The following DNAAF5 variants were observed in gnomAD, a reference collection of about 807,000 sequenced individuals.
DNAAF5 encodes the protein HEAT repeat containing 2.
In DNAAF5, 64 loss-of-function variants were observed where a neutral mutation model predicts 75.8. That is an observed-to-expected ratio of 0.84 (90% CI 0.69 to 1.04). The LOEUF (loss-of-function observed/expected upper bound fraction) is 1.04. Ranked by LOEUF, DNAAF5 falls within the 50% of genes least tolerant of loss-of-function variation. The pLI is 0.00. For synonymous variants in DNAAF5, 657 were observed against 557.2 expected, an observed-to-expected ratio of 1.18 and a Z score of -2.52; for missense variants, 1,269 against 1,178.5, an observed-to-expected ratio of 1.08 and a Z score of -1.12.
intron 2 of DNAAF5, among the ~76,000 whole-genome samples, chr7:731,448 C>T (rs1203580396): frequency 6.6e-6 from 1 of 152,148 alleles, no homozygotes; most frequent in Admixed American, 6.5e-5. Context: ...TCTAAAAATA[C>T]CATAACTATG....
At chr7:728,683 G>T (rs767980291) in intron 1 of DNAAF5, among the ~76,000 whole-genome samples, 2 of 152,172 alleles carry the variant, frequency 1.3e-5, no homozygotes, top group Non-Finnish European at 2.9e-5. Context: ...TGGACCGTAG[G>T]TTCCACAGGA....
At chr7:779,374 C>A (rs1778863168) in intron 11 of DNAAF5, among the ~76,000 whole-genome samples, 9 of 152,216 alleles carry the variant, frequency 5.9e-5, no homozygotes, top group Non-Finnish European at 1.0e-4. Context: ...GGATGCTGCA[C>A]AGAAGGGGGT....
rs754316026 is a variant in DNAAF5 at position 770,553 on chromosome 7, C to G, written c.1866C>G (p.Arg622=). 2 of 1,613,844 alleles carry G rather than the reference C, an allele frequency of 1.2e-6. No homozygotes were observed. Among genetic ancestry groups the G allele is most frequent in the African/African-American group, 2.7e-5 (2 of 74,940 alleles). ...CLQPSQDPQM[R]LKLFSILSTV... is the part of the protein sequence containing the mutation. The stretch of plus-strand genomic sequence containing the variant: ...AGCCCTCCCAAGACCCGCAGATGCG[C>G]CTGAAGCTGTTCTCCATCCTGTCCA... Residue 622 remains arginine (R), a synonymous_variant, in exon 9 of 13, where the codon CGC becomes CGG. Transcript: ENST00000297440.
At chr7:782,301 CTGGCGTGGCCGCCTCCCGTCACG>C (rs1778985248) in intron 12 of DNAAF5, among the ~76,000 whole-genome samples, 1 of 149,258 alleles carries the variant, frequency 6.7e-6, no homozygotes, top group Non-Finnish European at 1.5e-5. Flanking sequence ...TCGGATCTTC[CTGGCGTGGCCGCCTCCCGTCACG>C]CGGCGTCAGA....
At position 767,771 on chromosome 7, in the gene DNAAF5, G is replaced by A. The variant is rs187649861; in HGVS notation, c.1784-2700G>A. Among the ~76,000 whole-genome samples the A allele has an allele frequency of 5.0e-4, 76 of 151,552 alleles. No individual in the cohort carries two copies. In the Middle Eastern group the frequency reaches 0.014, roughly 28 times the overall value. On this transcript the variant is annotated intron_variant, in intron 8 of 12. Transcript: ENST00000297440. ...GGGAGGGGAGACACGTGATCCGGGC[G>A]GAAGTGTCCGTGCTGCCAGCAGGAG...
intron 2 of DNAAF5, among the ~76,000 whole-genome samples, chr7:737,512 C>T (rs1327686840): frequency 2.0e-5 from 3 of 152,212 alleles, no homozygotes; most frequent in Admixed American, 1.3e-4. Context: ...ACTGTTACCA[C>T]TGAGTTTTAT....
Position 785,719 on chromosome 7 carries a change from C to G in DNAAF5, c.*66C>G. On this transcript the variant is annotated 3_prime_UTR_variant, in exon 13 of 13. Coordinates refer to ENST00000297440, the MANE Select transcript of DNAAF5 (RefSeq NM_017802.4). ...GAGCCAGAGTTTGTGGCCTTTAAAT[C>G]TCATAAACAAGGCACCTCTGTGCCA... 3 of 1,571,466 alleles carry G rather than the reference C, an allele frequency of 1.9e-6. No individual in the cohort carries two copies. Among genetic ancestry groups the G allele is most frequent in the Non-Finnish European group, 2.6e-6 (3 of 1,155,972 alleles).
At position 761,821 on chromosome 7, in the gene DNAAF5, C is replaced by G. The variant is rs577043545; in HGVS notation, c.1539C>G (p.Gly513=). 2.5e-6 allele frequency: 4 copies of G among 1,606,994 alleles called. No homozygotes were observed. Among genetic ancestry groups the G allele is most frequent in the African/African-American group, 1.3e-5 (1 of 74,886 alleles). ...ALVSVCHEDC[G]VASLQLLDVL... is the part of the protein sequence containing the mutation. ...TGTCTGTGTGTCATGAGGACTGTGG[C>G]GTGGCCAGCCTGCAGCTCTTGGACG... The change falls in exon 7 of 13, where the codon GGC becomes GGG. Residue 513 remains glycine (G), a synonymous_variant. Coordinates refer to ENST00000297440, the MANE Select transcript of DNAAF5 (RefSeq NM_017802.4).
At chr7:736,480 G>A (rs1166414052) in intron 2 of DNAAF5, among the ~76,000 whole-genome samples, 1 of 152,170 alleles carries the variant, frequency 6.6e-6, no homozygotes. Flanking sequence ...TCTTAGTATA[G>A]TTTTCGTCTT....
At chr7:759,768 G>T (rs1456105859) in intron 6 of DNAAF5, among the ~76,000 whole-genome samples, 1 of 152,172 alleles carries the variant, frequency 6.6e-6, no homozygotes, top group Non-Finnish European at 1.5e-5. Context: ...TGCTGCAAAG[G>T]ATGCCTGATT....
At chr7:771,873 G>C (rs1342573433) in intron 9 of DNAAF5, 1 of 152,238 alleles carries the variant, frequency 6.6e-6, no homozygotes. Context: ...ACGTCTTGTG[G>C]AAGGCGGTTG....
At chr7:741,024 C>G in intron 3 of DNAAF5, 81 bp downstream of exon 3, 1 of 1,528,444 alleles carries the variant, frequency 6.5e-7, no homozygotes, top group Non-Finnish European at 8.9e-7. Context: ...CTCCCAGTCT[C>G]TCACAGAAAC....
intron 8 of DNAAF5, chr7:768,989 G>A: frequency 5.0e-6 from 3 of 600,526 alleles, no homozygotes; most frequent in Non-Finnish European, 9.1e-6. Context: ...AGCAGCTTCG[G>A]TGCAACGCCT....
chr7:774,113 C>T lies in DNAAF5; in HGVS notation c.1997C>T (p.Ala666Val), dbSNP rs761189541. 5 of 1,613,450 alleles carry T rather than the reference C, an allele frequency of 3.1e-6. No individual in the cohort carries two copies. In the Admixed American group the frequency reaches 5.0e-5, roughly 16 times the overall value. The change falls in exon 10 of 13, where the codon GCG (alanine) becomes GTG (valine). Residue 666 changes from alanine to valine, a missense_variant. By Grantham distance (64) the Ala-to-Val change is moderately conservative. Transcript: ENST00000297440. Reference sequence around the variant, plus strand: ...CTGGCCCCCAATCTGCAGTGGCATGCGGGGAGGACAGCCGCGGCCATCCGC... The same window carrying T: ...CTGGCCCCCAATCTGCAGTGGCATGTGGGGAGGACAGCCGCGGCCATCCGC... ...DILAPNLQWH[A>V]GRTAAAIRTA... is the part of the protein sequence containing the mutation.
chr7:773,824 G>A (rs1396619569), intron 9 of DNAAF5, among the ~76,000 whole-genome samples: 1 of 152,104 alleles, frequency 6.6e-6, no homozygotes, highest in Admixed American at 6.5e-5. Context: ...CGCAGGAGAG[G>A]CCAGGGGCAC....
intron 12 of DNAAF5, among the ~76,000 whole-genome samples, chr7:784,933 C>T (rs1779101327): frequency 6.6e-6 from 1 of 152,190 alleles, no homozygotes; most frequent in African/African-American, 2.4e-5. Context: ...CCAGCAGCAT[C>T]AGGTTCCTCA....
intron 8 of DNAAF5, 61 bp downstream of exon 8, chr7:764,035 C>G: frequency 6.4e-7 from 1 of 1,560,924 alleles, no homozygotes; most frequent in Non-Finnish European, 8.7e-7. Context: ...ACACCTGCTC[C>G]CCCAGGTGCT....
intron 8 of DNAAF5, among the ~76,000 whole-genome samples, chr7:766,544 T>C (rs1782827021): frequency 6.6e-6 from 1 of 152,192 alleles, no homozygotes; most frequent in African/African-American, 2.4e-5. Context: ...AAAAGGAACA[T>C]AGACTTAGGA....
intron 4 of DNAAF5, among the ~76,000 whole-genome samples, chr7:749,796 G>A (rs62432225): frequency 0.82 from 123,993 of 152,096 alleles, 50,645 homozygotes; most frequent in South Asian, 0.9. Context: ...CCCAGATTCA[G>A]GCAACTACTG....
Sources: allele counts gnomAD v4.1 joint callset (sites outside exome capture counted in the v4.1 genomes callset), GRCh38; gene constraint gnomAD v4.1.1; transcripts MANE v1.5; gene names NCBI Gene and HGNC (gene_info 2026-07-23, HGNC 2026-07-21).